POPDC1: variants seen among roughly 807,000 people sequenced by gnomAD.
POPDC1 encodes the protein popeye domain cAMP effector 1, also known as popeye domain-containing protein 1.
At chr6:105,098,228 A>G in the POPDC1 span, 4 of 152,218 alleles carry the variant, frequency 2.6e-5, no homozygotes, top group African/African-American at 7.2e-5. Context: ...ATTTGTATAA[A>G]TGAATTTAAA....
At chr6:105,129,751 T>G in the POPDC1 span, among the ~76,000 whole-genome samples, 1 of 152,124 alleles carries the variant, frequency 6.6e-6, no homozygotes, top group Non-Finnish European at 1.5e-5. Context: ...TGGGGATAAG[T>G]TGGACAAAGG....
chr6:105,133,777 A>G, the POPDC1 span, among the ~76,000 whole-genome samples: 1 of 152,208 alleles, frequency 6.6e-6, no homozygotes, highest in Non-Finnish European at 1.5e-5. Context: ...ACCTGTTAAA[A>G]GATGGTAATA....
the POPDC1 span, among the ~76,000 whole-genome samples, chr6:105,128,755 T>C: frequency 1.3e-5 from 2 of 152,236 alleles, no homozygotes; most frequent in East Asian, 3.8e-4. Context: ...TTATATCTTT[T>C]ACTTTACTGA....
chr6:105,123,725 C>T, the POPDC1 span, among the ~76,000 whole-genome samples: 1 of 152,202 alleles, frequency 6.6e-6, no homozygotes, highest in East Asian at 1.9e-4. Flanking sequence ...AGGAATCACA[C>T]TAAGTAGTCC....
the POPDC1 span, among the ~76,000 whole-genome samples, chr6:105,124,385 C>A: frequency 0.016 from 1,341 of 81,684 alleles, no homozygotes; most frequent in African/African-American, 0.019. Flanking sequence ...CCGTCTCAAA[C>A]AAAAAAAAAA....
At chr6:105,130,774 T>C in the POPDC1 span, among the ~76,000 whole-genome samples, 1 of 152,194 alleles carries the variant, frequency 6.6e-6, no homozygotes, top group Non-Finnish European at 1.5e-5. Context: ...TATCTAAATA[T>C]ATCTAAACAT....
the POPDC1 span, among the ~76,000 whole-genome samples, chr6:105,112,527 T>C: frequency 1.3e-5 from 2 of 152,328 alleles, no homozygotes; most frequent in South Asian, 2.1e-4. Flanking sequence ...GAGATTATCA[T>C]TGGATAATTT....
chr6:105,134,066 C>T, the POPDC1 span, among the ~76,000 whole-genome samples: 1 of 151,944 alleles, frequency 6.6e-6, no homozygotes, highest in Non-Finnish European at 1.5e-5. Context: ...AATATGAATA[C>T]CCTCACATCT....
the POPDC1 span, among the ~76,000 whole-genome samples, chr6:105,126,248 TA>T: frequency 1.5e-5 from 2 of 133,992 alleles, no homozygotes; most frequent in East Asian, 2.1e-4. Context: ...AAAATAAAAA[TA>T]AAAAAAAGAA....
the POPDC1 span, chr6:105,133,306 T>C: frequency 6.8e-7 from 1 of 1,472,712 alleles, no homozygotes; most frequent in Non-Finnish European, 9.3e-7. Flanking sequence ...GCCCATCTTA[T>C]GTCAGTTACA....
At chr6:105,132,578 C>G in the POPDC1 span, among the ~76,000 whole-genome samples, 4 of 152,146 alleles carry the variant, frequency 2.6e-5, no homozygotes, top group East Asian at 7.7e-4. Context: ...AGGATGAAGA[C>G]GGCCTTCCTC....
the POPDC1 span, among the ~76,000 whole-genome samples, chr6:105,108,702 C>A: frequency 1.3e-5 from 2 of 152,318 alleles, no homozygotes; most frequent in African/African-American, 4.8e-5. Flanking sequence ...TTAGAACAGT[C>A]TCCTTTGAAC....
At chr6:105,109,777 A>AAAAAAAAAAAAAAAAAAAAAAAAAAAC in the POPDC1 span, among the ~76,000 whole-genome samples, 1 of 147,182 alleles carries the variant, frequency 6.8e-6, no homozygotes, top group South Asian at 2.2e-4. Context: ...AAAAAAAAAA[A>AAAAAAAAAAAAAAAAAAAAAAAAAAAC]AAAAAGATTA....
the POPDC1 span, among the ~76,000 whole-genome samples, chr6:105,102,873 T>C: frequency 6.6e-6 from 1 of 152,244 alleles, no homozygotes; most frequent in South Asian, 2.1e-4. Context: ...GTATACTCGC[T>C]GTATATATAC....
chr6:105,101,152 T>G, the POPDC1 span: 1 of 1,613,760 alleles, frequency 6.2e-7, no homozygotes, highest in Non-Finnish European at 8.5e-7. Flanking sequence ...CATCATCATC[T>G]TCTGCTCCTT....
At chr6:105,129,662 A>C in the POPDC1 span, among the ~76,000 whole-genome samples, 2 of 152,172 alleles carry the variant, frequency 1.3e-5, no homozygotes, top group African/African-American at 4.8e-5. Context: ...GATAGTATAC[A>C]ACTCTATAAA....
the POPDC1 span, among the ~76,000 whole-genome samples, chr6:105,130,524 G>A: frequency 6.6e-6 from 1 of 152,208 alleles, no homozygotes; most frequent in African/African-American, 2.4e-5. Flanking sequence ...AATCCTACTA[G>A]TTAGAAATGC....
chr6:105,127,776 T>C, the POPDC1 span, among the ~76,000 whole-genome samples: 1 of 152,090 alleles, frequency 6.6e-6, no homozygotes, highest in East Asian at 1.9e-4. Flanking sequence ...TTTTTTTTTT[T>C]TGAGACAAAA....
chr6:105,124,982 C>A, the POPDC1 span, among the ~76,000 whole-genome samples: 1 of 152,104 alleles, frequency 6.6e-6, no homozygotes, highest in Non-Finnish European at 1.5e-5. Context: ...ACAATGCCAG[C>A]ACAACAGAGA....
Sources: allele counts gnomAD v4.1 joint callset (sites outside exome capture counted in the v4.1 genomes callset), GRCh38; gene constraint gnomAD v4.1.1; transcripts MANE v1.5; gene names NCBI Gene and HGNC (gene_info 2026-07-23, HGNC 2026-07-21).